Variants in PRP4K observed in about 807,000 individuals in gnomAD.
PRP4K encodes pre-mRNA processing factor kinase PRP4K, also known as serine/threonine-protein kinase PRP4 homolog.
the PRP4K span, among the ~76,000 whole-genome samples, chr6:4,035,438 C>T: frequency 1.3e-5 from 2 of 151,782 alleles, no homozygotes; most frequent in African/African-American, 4.8e-5. Flanking sequence ...TGAGCCACCG[C>T]ACCCAGCCCA....
chr6:4,025,669 A>G, the PRP4K span, among the ~76,000 whole-genome samples: 309 of 152,328 alleles, frequency 2.0e-3, 2 homozygotes, highest in Non-Finnish European at 3.8e-3. Flanking sequence ...TGTATTTCTA[A>G]TTCCCAGAAG....
the PRP4K span, chr6:4,037,512 C>T: frequency 1.7e-5 from 28 of 1,613,914 alleles, no homozygotes; most frequent in East Asian, 1.8e-4. Context: ...AAGGAGGTCT[C>T]GTTCCCCACT....
the PRP4K span, chr6:4,031,833 C>T: frequency 6.2e-7 from 1 of 1,614,006 alleles, no homozygotes; most frequent in East Asian, 2.2e-5. Context: ...TTTAGCTTTG[C>T]TAGAAGACTT....
chr6:4,027,621 G>T, the PRP4K span, among the ~76,000 whole-genome samples: 3 of 143,740 alleles, frequency 2.1e-5, no homozygotes, highest in Non-Finnish European at 1.5e-5. Context: ...GGTGGGGGTT[G>T]GTCCGTGCTA....
At chr6:4,058,846 AT>A in the PRP4K span, 1 of 1,509,852 alleles carries the variant, frequency 6.6e-7, no homozygotes, top group South Asian at 1.2e-5. Flanking sequence ...TGCAATAGTT[AT>A]TTTATTGTTA....
At chr6:4,047,055 G>A in the PRP4K span, 2 of 753,562 alleles carry the variant, frequency 2.7e-6, no homozygotes, top group South Asian at 1.5e-5. Context: ...AATACTGTTG[G>A]GAAACTGATG....
the PRP4K span, chr6:4,042,479 TC>T: frequency 1.3e-6 from 2 of 1,598,474 alleles, no homozygotes; most frequent in East Asian, 2.2e-5. Context: ...TTTGAATTTT[TC>T]TTTAAGCCTT....
the PRP4K span, chr6:4,032,338 G>T: frequency 6.2e-7 from 1 of 1,613,792 alleles, no homozygotes; most frequent in Admixed American, 1.7e-5. Flanking sequence ...TCAAAAGATA[G>T]GAAAAAATCC....
At chr6:4,048,006 A>G in the PRP4K span, among the ~76,000 whole-genome samples, 2 of 151,924 alleles carry the variant, frequency 1.3e-5, no homozygotes, top group East Asian at 3.9e-4. Flanking sequence ...GTATTGACCC[A>G]GTTTTGGTGT....
the PRP4K span, among the ~76,000 whole-genome samples, chr6:4,025,388 A>G: frequency 4.9e-4 from 75 of 152,296 alleles, no homozygotes; most frequent in East Asian, 0.012. Context: ...CATTGACTCA[A>G]TGTTTCAAGT....
the PRP4K span, among the ~76,000 whole-genome samples, chr6:4,021,891 C>G: frequency 1.3e-5 from 2 of 152,322 alleles, no homozygotes; most frequent in Admixed American, 1.3e-4. Context: ...TCTTTTCTTC[C>G]TCATGCGGTA....
At chr6:4,059,659 G>A in the PRP4K span, among the ~76,000 whole-genome samples, 1 of 150,590 alleles carries the variant, frequency 6.6e-6, no homozygotes, top group Non-Finnish European at 1.5e-5. Flanking sequence ...TCTTTTTTGA[G>A]ACTGAGTCTC....
the PRP4K span, among the ~76,000 whole-genome samples, chr6:4,045,631 C>T: frequency 6.6e-6 from 1 of 152,182 alleles, no homozygotes; most frequent in African/African-American, 2.4e-5. Context: ...TCTCTTATTA[C>T]AGTGAAAAAT....
At chr6:4,040,721 C>G in the PRP4K span, 1 of 1,564,190 alleles carries the variant, frequency 6.4e-7, no homozygotes, top group Admixed American at 1.8e-5. Context: ...GCATGCCTTT[C>G]CCACTTTGAC....
the PRP4K span, chr6:4,049,631 G>A: frequency 3.3e-6 from 4 of 1,195,278 alleles, no homozygotes. Flanking sequence ...AAACCAAATA[G>A]TAGAGATTTA....
At chr6:4,061,429 T>G in the PRP4K span, 1 of 152,670 alleles carries the variant, frequency 6.6e-6, no homozygotes, top group Non-Finnish European at 1.5e-5. Flanking sequence ...TATATACATT[T>G]TGTTAAATAT....
the PRP4K span, chr6:4,021,557 G>A: frequency 6.6e-7 from 1 of 1,518,118 alleles, no homozygotes; most frequent in African/African-American, 1.4e-5. Flanking sequence ...CGGGCCTAAC[G>A]GCGAGAGTCA....
chr6:4,038,831 A>G, the PRP4K span, among the ~76,000 whole-genome samples: 2 of 151,338 alleles, frequency 1.3e-5, no homozygotes, highest in African/African-American at 4.9e-5. Context: ...GTGCCTCGGT[A>G]TGTAGATCTT....
At chr6:4,027,338 A>G in the PRP4K span, among the ~76,000 whole-genome samples, 2 of 152,064 alleles carry the variant, frequency 1.3e-5, no homozygotes, top group African/African-American at 4.8e-5. Context: ...TCATAAGCCT[A>G]TGATTTGTCA....
Sources: allele counts gnomAD v4.1 joint callset (sites outside exome capture counted in the v4.1 genomes callset), GRCh38; gene constraint gnomAD v4.1.1; transcripts MANE v1.5; gene names NCBI Gene and HGNC (gene_info 2026-07-23, HGNC 2026-07-21).